The following VEPH1 variants were observed in gnomAD, a reference collection of about 807,000 sequenced individuals.
VEPH1 encodes the protein ventricular zone-expressed PH domain-containing protein homolog 1.
VEPH1 carries 80 observed loss-of-function variants against 85.2 expected under a neutral mutation model. The observed-to-expected ratio is 0.94, with a 90% confidence interval of 0.78 to 1.13. VEPH1 has a LOEUF of 1.13. VEPH1 is among the 50% of genes most tolerant of loss of function. The pLI, the probability that VEPH1 is intolerant of heterozygous loss-of-function variation, is 0.00. For missense variants in VEPH1, 955 were observed against 980.5 expected (o/e 0.97, Z 0.35); for synonymous variants, 297 against 348.0 (o/e 0.85, Z 1.63).
At chr3:157,429,021 C>T (rs898680818) in intron 4 of VEPH1, among the ~76,000 whole-genome samples, 2 of 152,092 alleles carry the variant, frequency 1.3e-5, no homozygotes, top group African/African-American at 4.8e-5. Context: ...ATTTAAATCC[C>T]CAATTTCTGC....
At chr3:157,381,105 C>G in intron 7 of VEPH1, 51 bp downstream of exon 7, 3 of 1,584,646 alleles carry the variant, frequency 1.9e-6, no homozygotes, top group Non-Finnish European at 2.6e-6. Flanking sequence ...CTGCATTCTA[C>G]CCCCACAGGT....
In VEPH1 at chr3:157,262,541, A is replaced by T. The variant is rs915625784; in HGVS notation, c.2266-1171T>A. Among the ~76,000 whole-genome samples, 29 of 140,882 alleles carry T rather than the reference A, an allele frequency of 2.1e-4. No homozygotes were observed. In the East Asian group the frequency reaches 3.0e-3, roughly 15 times the overall value. 92.4% of individuals were successfully genotyped at this position (140,882 alleles called of 152,430 possible). A position where few individuals can be genotyped will look rare whatever the true frequency, so the allele number is the denominator to read the frequency against. On this transcript the variant is annotated intron_variant, in intron 13 of 13. Transcript: ENST00000362010. ...TAGAGGTAGAACAGAAACATGATTTAAAAAAAAAAAGAGAAACAATGTGAA... is the reference window on the plus strand; with the variant it reads ...TAGAGGTAGAACAGAAACATGATTTTAAAAAAAAAAGAGAAACAATGTGAA...
chr3:157,467,328 G>A (rs1736484399), intron 3 of VEPH1, among the ~76,000 whole-genome samples: 1 of 151,780 alleles, frequency 6.6e-6, no homozygotes, highest in Admixed American at 6.6e-5. Flanking sequence ...CTTGTTGTTT[G>A]TTTTCCTTCC....
chr3:157,477,603 C>T (rs1673272766), intron 2 of VEPH1, among the ~76,000 whole-genome samples: 1 of 151,970 alleles, frequency 6.6e-6, no homozygotes, highest in Non-Finnish European at 1.5e-5. Flanking sequence ...TTTTTTATCC[C>T]ATGTTAATGC....
intron 4 of VEPH1, chr3:157,437,372 T>G (rs1733683643): frequency 1.9e-6 from 2 of 1,043,624 alleles, no homozygotes; most frequent in Non-Finnish European, 2.8e-6. Context: ...TTACATGCTG[T>G]TTTTCGGAGG....
intron 2 of VEPH1, among the ~76,000 whole-genome samples, chr3:157,473,348 A>G (rs1205539657): frequency 6.6e-6 from 1 of 152,144 alleles, no homozygotes; most frequent in Non-Finnish European, 1.5e-5. Context: ...CTGGGATTAC[A>G]AGCATGAGCC....
chr3:157,486,799 C>T (rs1323236770), intron 2 of VEPH1, among the ~76,000 whole-genome samples: 1 of 152,114 alleles, frequency 6.6e-6, no homozygotes, highest in Non-Finnish European at 1.5e-5. Flanking sequence ...AAGCAAGTCT[C>T]AACTACTTCG....
intron 11 of VEPH1, among the ~76,000 whole-genome samples, chr3:157,292,831 A>C (rs1717660246): frequency 6.7e-6 from 1 of 149,858 alleles, no homozygotes. Context: ...AAAAAAAAAA[A>C]AATTAGCCAG....
In VEPH1 at chr3:157,314,400, G is replaced by A. The variant is rs372362037; in HGVS notation, c.1876-645C>T. 1.1e-4 allele frequency among the ~76,000 whole-genome samples: 15 copies of A among 142,784 alleles called. No individual in the cohort carries two copies. In the East Asian group the frequency reaches 2.9e-3, roughly 27 times the overall value. 93.7% of individuals were successfully genotyped at this position (142,784 alleles called of 152,430 possible). A position where few individuals can be genotyped will look rare whatever the true frequency, so the allele number is the denominator to read the frequency against. The stretch of plus-strand genomic sequence containing the variant: ...AGATCAAACATATGATATATTTCAG[G>A]ATTTTCATTTTTTAACAGAAATTTA... On this transcript the variant is annotated intron_variant, in intron 10 of 13. Coordinates refer to ENST00000362010, the MANE Select transcript of VEPH1 (RefSeq NM_001167912.2).
At chr3:157,383,987 T>C (rs541453308) in intron 6 of VEPH1, among the ~76,000 whole-genome samples, 71 of 152,298 alleles carry the variant, frequency 4.7e-4, no homozygotes, top group South Asian at 4.1e-3. Flanking sequence ...ATTCCTGATT[T>C]AAAGGTAAAA....
intron 3 of VEPH1, among the ~76,000 whole-genome samples, chr3:157,466,985 C>A (rs1450629711): frequency 1.3e-5 from 2 of 151,998 alleles, no homozygotes; most frequent in Non-Finnish European, 2.9e-5. Flanking sequence ...GTAAATGTGG[C>A]AAGTTCACAA....
At chr3:157,493,115 G>A in intron 2 of VEPH1, 1 of 389,064 alleles carries the variant, frequency 2.6e-6, no homozygotes, top group Non-Finnish European at 5.1e-6. Context: ...ATGCCATCAA[G>A]GTTTTATGCA....
At chr3:157,439,955 TTA>T (rs1309171002) in intron 4 of VEPH1, among the ~76,000 whole-genome samples, 1 of 152,166 alleles carries the variant, frequency 6.6e-6, no homozygotes, top group Admixed American at 6.5e-5. Flanking sequence ...TTTCACCGTG[TTA>T]GCCAGGATGG....
chr3:157,432,110 A>C (rs1733211251), intron 4 of VEPH1, among the ~76,000 whole-genome samples: 1 of 152,066 alleles, frequency 6.6e-6, no homozygotes, highest in Admixed American at 6.6e-5. Flanking sequence ...AGCCTCTCAA[A>C]GTGCTGGGAT....
chr3:157,448,743 A>G (rs375081950), intron 4 of VEPH1, among the ~76,000 whole-genome samples: 3 of 152,238 alleles, frequency 2.0e-5, no homozygotes, highest in African/African-American at 7.2e-5. Flanking sequence ...GTTACAAAAC[A>G]TCACATTTTA....
chr3:157,449,106 T>C (rs955108750), intron 4 of VEPH1, among the ~76,000 whole-genome samples: 9 of 152,196 alleles, frequency 5.9e-5, no homozygotes, highest in African/African-American at 1.9e-4. Context: ...TTTTGGAAAT[T>C]GCCCAGTCTC....
At chr3:157,296,389 CTG>C (rs993374341) in intron 11 of VEPH1, among the ~76,000 whole-genome samples, 78 of 152,266 alleles carry the variant, frequency 5.1e-4, no homozygotes, top group African/African-American at 1.8e-3. Context: ...GGGTCAGACT[CTG>C]TGAGGAAGAA....
Position 157,411,246 on chromosome 3 carries a change from C to T in VEPH1, c.906+2635G>A, listed in dbSNP as rs145699244. ...AAACATGGCACTCTAGAGAGATTGC[C>T]TTCTAGACTTCGTTATGTGTAAGAG... is the stretch of plus-strand genomic sequence containing the variant. On this transcript the variant is annotated intron_variant, in intron 6 of 13. Coordinates refer to ENST00000362010, the MANE Select transcript of VEPH1 (RefSeq NM_001167912.2). Among the ~76,000 whole-genome samples, 123 of 152,188 alleles carry T rather than the reference C, an allele frequency of 8.1e-4. 1 individual carries two copies. The highest frequency in any genetic ancestry group is 2.8e-3 in the African/African-American group (116 of 41,558).
intron 6 of VEPH1, chr3:157,410,002 A>G (rs911930777): frequency 7.7e-6 from 7 of 905,226 alleles, no homozygotes; most frequent in Non-Finnish European, 9.2e-6. Flanking sequence ...TCAGTCAGAG[A>G]TTGTACATTA....
Sources: gnomAD v4.1 joint callset for allele counts (sites outside exome capture counted in the v4.1 genomes callset) on GRCh38, gnomAD v4.1.1 for gene constraint, MANE v1.5 for transcripts, NCBI Gene and HGNC (gene_info 2026-07-23, HGNC 2026-07-21) for gene names.